The following MAGOHB variants were observed in gnomAD, a reference collection of about 807,000 sequenced individuals.
The protein encoded by MAGOHB is protein mago nashi homolog 2.
In MAGOHB, 15 loss-of-function variants were observed where a neutral mutation model predicts 20.9. That is an observed-to-expected ratio of 0.72 (90% CI 0.48 to 1.11). MAGOHB has a LOEUF of 1.11. Ranked by LOEUF, MAGOHB falls within the 50% of genes least tolerant of loss-of-function variation. MAGOHB has a pLI of 0.00. For synonymous variants in MAGOHB, 50 were observed against 57.9 expected, an observed-to-expected ratio of 0.86 and a Z score of 0.62; for missense variants, 162 against 177.6, an observed-to-expected ratio of 0.91 and a Z score of 0.50.
downstream of MAGOHB, among the ~76,000 whole-genome samples, chr12:10,600,746 T>G (rs1226976726): frequency 6.6e-6 from 1 of 152,218 alleles, no homozygotes; most frequent in Non-Finnish European, 1.5e-5. Flanking sequence ...CTCATTGACT[T>G]CCACTTTTAT....
At chr12:10,612,655 T>C in intron 1 of MAGOHB, 1 of 1,137,246 alleles carries the variant, frequency 8.8e-7, no homozygotes, top group Non-Finnish European at 1.1e-6. Context: ...AATTTTGTAT[T>C]TGCTTGTTGT....
At chr12:10,610,766 AT>A (rs1865718683) in intron 1 of MAGOHB, 86 bp from the exon 2 acceptor site, 3 of 1,168,638 alleles carry the variant, frequency 2.6e-6, no homozygotes, top group Non-Finnish European at 3.6e-6. Context: ...GGTAAAGACC[AT>A]TTTATACTAC....
Position 10,613,495 on chromosome 12 carries a change from A to G in MAGOHB, c.38T>C (p.Val13Ala). The change falls in exon 1 of 5, where the codon GTA becomes GCA. Residue 13 changes from valine to alanine, a missense_variant. Physicochemically the swap from Val to Ala is moderately conservative, Grantham distance 64. Transcript: ENST00000320756. ...GTGCCCAAACTTGCCCTTGTGCCCT[A>G]CGTAGTAGCGCAGGTAGAAATCGCT... ...VASDFYLRYY[V>A]GHKGKFGHEF... 7 of 1,614,056 alleles carry G rather than the reference A, an allele frequency of 4.3e-6. No individual in the cohort carries two copies. The highest frequency in any genetic ancestry group is 4.2e-6 in the Non-Finnish European group (5 of 1,179,994).
Position 10,606,225 on chromosome 12 carries a change from A to G in MAGOHB, c.*50T>C. Reference sequence around the variant, plus strand: ...ACCCCAATACTGTAAATGACAAATAACCCCTCCCATCCCTTAATTAAATAT... The same window carrying G: ...ACCCCAATACTGTAAATGACAAATAGCCCCTCCCATCCCTTAATTAAATAT... On this transcript the variant is annotated 3_prime_UTR_variant, in exon 5 of 5. Transcript: ENST00000320756. The G allele has an allele frequency of 3.2e-6, 3 of 944,482 alleles. No homozygotes were observed. Among genetic ancestry groups the G allele is most frequent in the Non-Finnish European group, 4.8e-6 (3 of 631,400 alleles). The allele number at this position is 944,482 out of a possible 1,614,324, so 58.5% of individuals were successfully genotyped here.
Position 10,605,149 on chromosome 12 carries a change from T to C in MAGOHB, c.*1126A>G, listed in dbSNP as rs1473204784. 1 of 152,200 alleles carries C rather than the reference T, an allele frequency of 6.6e-6. No homozygotes were observed. Among genetic ancestry groups the C allele is most frequent in the Non-Finnish European group, 1.5e-5 (1 of 68,036 alleles). 9.4% of individuals were successfully genotyped at this position (152,200 alleles called of 1,614,324 possible). A position where few individuals can be genotyped will look rare whatever the true frequency, so the allele number is the denominator to read the frequency against. ...TCACGTTAGAAAAAAATTGTTTAAA[T>C]AGCACCATAAATTCAGTTATACAAG... On this transcript the variant is annotated 3_prime_UTR_variant, in exon 5 of 5. Coordinates refer to ENST00000320756, the MANE Select transcript of MAGOHB (RefSeq NM_018048.5).
chr12:10,607,238 AAGG>A (rs1865644963), intron 4 of MAGOHB, among the ~76,000 whole-genome samples: 2 of 152,160 alleles, frequency 1.3e-5, no homozygotes, highest in Non-Finnish European at 2.9e-5. Flanking sequence ...CAAGGTTCTC[AAGG>A]AGCTTACATT....
At chr12:10,608,186 A>G in intron 3 of MAGOHB, 2 of 296,958 alleles carry the variant, frequency 6.7e-6, no homozygotes, top group Non-Finnish European at 1.2e-5. Flanking sequence ...TAAAGAAGAC[A>G]CTATGAAACA....
At chr12:10,607,018 A>G (rs1367952482) in intron 4 of MAGOHB, among the ~76,000 whole-genome samples, 1 of 152,182 alleles carries the variant, frequency 6.6e-6, no homozygotes, top group Non-Finnish European at 1.5e-5. Context: ...ACCATTACCA[A>G]TTTATAATCC....
Position 10,613,440 on chromosome 12 carries a change from G to A in MAGOHB, c.93C>T (p.Asp31=), listed in dbSNP as rs751503623. The A allele has an allele frequency of 1.2e-6, 2 of 1,613,860 alleles. No homozygotes were observed. Among genetic ancestry groups the A allele is most frequent in the South Asian group, 1.1e-5 (1 of 91,078 alleles). The change falls in exon 1 of 5, where the codon GAC becomes GAT. Residue 31 remains aspartate, a splice_region_variant and synonymous_variant. Coordinates refer to ENST00000320756, the MANE Select transcript of MAGOHB (RefSeq NM_018048.5). ...HEFLEFEFRP[D]GKLRYANNSN... ...CGCGTGCCGTGGGCCTCTTCTCACC[G>A]TCCGGCCGAAATTCGAACTCCAGAA...
At position 10,610,653 on chromosome 12, in the gene MAGOHB, T is replaced by C; in HGVS notation, c.122A>G (p.Asn41Ser). 1 of 1,585,736 alleles carries C rather than the reference T, an allele frequency of 6.3e-7. No individual in the cohort carries two copies. The highest frequency in any genetic ancestry group is 2.3e-5 in the East Asian group (1 of 43,524). Residue 41 changes from asparagine (N) to serine (S), a missense_variant, in exon 2 of 5, where the codon AAT (asparagine) becomes AGT (serine). Asn to Ser is a conservative substitution (Grantham distance 46, BLOSUM62 1). Transcript: ENST00000320756. ...DGKLRYANNS[N>S]YKNDVMIRKE... ...TCTGATCATGACATCATTTTTGTAA[T>C]TGCTGTTGTTGGCATATCTAAGCTT...
intron 4 of MAGOHB, among the ~76,000 whole-genome samples, chr12:10,606,955 G>A (rs1247723181): frequency 6.6e-6 from 1 of 152,102 alleles, no homozygotes; most frequent in African/African-American, 2.4e-5. Context: ...GGCCAAAGGT[G>A]AATGAAAAAT....
chr12:10,611,568 G>A (rs1865737408), intron 1 of MAGOHB, among the ~76,000 whole-genome samples: 1 of 151,564 alleles, frequency 6.6e-6, no homozygotes, highest in Admixed American at 6.6e-5. Context: ...CCAACATGGA[G>A]AAACCCCGTC....
rs1157173314 is a variant in MAGOHB, at chr12:10,605,233, C to T, written c.*1042G>A. On this transcript the variant is annotated 3_prime_UTR_variant, in exon 5 of 5. Coordinates refer to ENST00000320756, the MANE Select transcript of MAGOHB (RefSeq NM_018048.5). Reference sequence around the variant, plus strand: ...CCAGTTGCTACCCTATTGGACTGCACATAGAACGTTTCCATTATTGCAAAA... The same window carrying T: ...CCAGTTGCTACCCTATTGGACTGCATATAGAACGTTTCCATTATTGCAAAA... 1 of 152,180 alleles carries T rather than the reference C, an allele frequency of 6.6e-6. No homozygotes were observed. Among genetic ancestry groups the T allele is most frequent in the Non-Finnish European group, 1.5e-5 (1 of 68,026 alleles). The allele number at this position is 152,180 out of a possible 1,614,324, so 9.4% of individuals were successfully genotyped here. A position where few individuals can be genotyped will look rare whatever the true frequency, so the allele number is the denominator to read the frequency against.
chr12:10,602,789 G>A (rs145006125), downstream of MAGOHB, among the ~76,000 whole-genome samples: 262 of 152,232 alleles, frequency 1.7e-3, 6 homozygotes, highest in East Asian at 0.01. Flanking sequence ...TTAGCTAGAA[G>A]CTTAGAACAG....
intron 1 of MAGOHB, among the ~76,000 whole-genome samples, chr12:10,610,923 A>C (rs1442030458): frequency 6.6e-6 from 1 of 152,202 alleles, no homozygotes; most frequent in Non-Finnish European, 1.5e-5. Flanking sequence ...GGTCATTTTT[A>C]AGGCCTATTT....
chr12:10,607,863 T>C lies in MAGOHB; in HGVS notation c.338A>G (p.Asn113Ser), dbSNP rs762957313. 3.2e-6 allele frequency: 5 copies of C among 1,580,422 alleles called. No homozygotes were observed. Among genetic ancestry groups the C allele is most frequent in the Non-Finnish European group, 4.3e-6 (5 of 1,156,226 alleles). Reference protein sequence around the residue: ...TSKIGSLIDVNQSKDPEGLRV... With the variant: ...TSKIGSLIDVSQSKDPEGLRV... ...GCTTTAACATACTTACTTTGACTGA[T>C]TTACATCAATAAGAGAACCTATTTT... The change falls in exon 4 of 5, where the codon AAT becomes AGT. Residue 113 changes from asparagine (N) to serine (S), a missense_variant. Asn to Ser is a conservative substitution (Grantham distance 46). Transcript: ENST00000320756.
chr12:10,612,439 G>GT (rs1341919774), intron 1 of MAGOHB, among the ~76,000 whole-genome samples: 3 of 151,776 alleles, frequency 2.0e-5, no homozygotes, highest in Non-Finnish European at 1.5e-5. Context: ...TGTAGTTAAC[G>GT]TGAGTTCTGC....
At chr12:10,603,788 T>C (rs912210864), downstream of MAGOHB, among the ~76,000 whole-genome samples, 4 of 152,184 alleles carry the variant, frequency 2.6e-5, no homozygotes, top group African/African-American at 9.7e-5. Context: ...TTGTTGTTTA[T>C]TAAATTTTTA....
At chr12:10,606,519 G>C in intron 4 of MAGOHB, 145 bp from the exon 5 acceptor site, 1 of 593,504 alleles carries the variant, frequency 1.7e-6, no homozygotes, top group South Asian at 2.2e-5. Context: ...CAACTAAAAT[G>C]AACATACAAT....
Sources: allele counts gnomAD v4.1 joint callset (sites outside exome capture counted in the v4.1 genomes callset), GRCh38; gene constraint gnomAD v4.1.1; transcripts MANE v1.5; gene names NCBI Gene and HGNC (gene_info 2026-07-23, HGNC 2026-07-21).